The following KCNQ1 variants were observed in gnomAD, a reference collection of about 807,000 sequenced individuals.
KCNQ1 encodes potassium voltage-gated channel subfamily Q member 1, also known as potassium voltage-gated channel subfamily KQT member 1.
Under a neutral mutation model 72.4 loss-of-function variants are expected in KCNQ1, and 49 were observed. That is an observed-to-expected ratio of 0.68 (90% confidence interval 0.54 to 0.86). The LOEUF (loss-of-function observed/expected upper bound fraction) is 0.86. Ranked by LOEUF, KCNQ1 falls within the 40% of genes least tolerant of loss-of-function variation. KCNQ1 has a pLI of 0.00. For missense variants in KCNQ1, 790 were observed against 945.1 expected (o/e 0.84, Z 2.15); for synonymous variants, 450 against 412.6 (o/e 1.09, Z -1.10).
chr11:2,674,201 T>C lies in KCNQ1; in HGVS notation c.1514+12120T>C, dbSNP rs1590023390. On this transcript the variant is annotated intron_variant, in intron 11 of 15. Transcript: ENST00000155840. The surrounding 1 kb of genome is among the most constrained non-coding windows in gnomAD (Gnocchi z 5.9). ...GTGTGGCTGGGGAGAGCACAGCCAGTTGTGGGTTTTTCTTGGGGCCCAGAT... is the reference window on the plus strand; with the variant it reads ...GTGTGGCTGGGGAGAGCACAGCCAGCTGTGGGTTTTTCTTGGGGCCCAGAT... 1 of 398,454 alleles carries C rather than the reference T, an allele frequency of 2.5e-6. No homozygotes were observed. Among genetic ancestry groups the C allele is most frequent in the Middle Eastern group, 6.3e-4 (1 of 1,590 alleles). The allele number at this position is 398,454 out of a possible 1,614,324, so 24.7% of individuals were successfully genotyped here.
intron 1 of KCNQ1, among the ~76,000 whole-genome samples, chr11:2,449,018 G>A (rs902429676): frequency 2.0e-5 from 3 of 152,244 alleles, no homozygotes; most frequent in Admixed American, 6.5e-5. Flanking sequence ...GATCAGGAGG[G>A]TGGTAGGGAC....
At position 2,538,859 on chromosome 11, in the gene KCNQ1, C is replaced by G. The variant is rs999552050; in HGVS notation, c.477+10841C>G. 1.3e-5 allele frequency among the ~76,000 whole-genome samples: 2 copies of G among 151,980 alleles called. No individual in the cohort carries two copies. The highest frequency in any genetic ancestry group is 2.9e-5 in the Non-Finnish European group (2 of 67,988). On this transcript the variant is annotated intron_variant, in intron 2 of 15. Transcript: ENST00000155840. This position sits in a 1 kb window ranked among gnomAD's most constrained non-coding sequence, Gnocchi z 6.7. ...GGCCTGGGGCAGGAGGTAGAGGAAA[C>G]TGCAAGATTTTTTAAACCTTCTCCA... is the stretch of plus-strand genomic sequence containing the variant.
rs75345613 is a variant in KCNQ1 at position 2,833,748 on chromosome 11, G to A, written c.1795-14019G>A. ...CCACTGGGCCCAGCAGCAGGAACTG[G>A]GGCAAGTGCCCCGAGACGGGACCGA... On this transcript the variant is annotated intron_variant, in intron 15 of 15. Transcript: ENST00000155840. Among the ~76,000 whole-genome samples, 732 of 152,364 alleles carry A rather than the reference G, an allele frequency of 4.8e-3. 5 individuals are homozygous for A. Among genetic ancestry groups the A allele is most frequent in the African/African-American group, 0.017 (699 of 41,598 alleles).
intron 11 of KCNQ1, among the ~76,000 whole-genome samples, chr11:2,763,671 T>C (rs1358130271): frequency 6.6e-6 from 1 of 152,108 alleles, no homozygotes; most frequent in Non-Finnish European, 1.5e-5. Flanking sequence ...AGTCCGCCCA[T>C]CTCAGCCTCC....
chr11:2,518,668 C>T (rs572643396), intron 1 of KCNQ1, among the ~76,000 whole-genome samples: 30 of 152,254 alleles, frequency 2.0e-4, no homozygotes, highest in African/African-American at 5.5e-4. Flanking sequence ...CTCTGTCTAA[C>T]GGGGACAGCA....
rs984846931 is a variant in KCNQ1 at position 2,768,419 on chromosome 11, C to T, written c.1515-425C>T. Among the ~76,000 whole-genome samples the T allele has an allele frequency of 4.6e-5, 7 of 152,176 alleles. No homozygotes were observed. The highest frequency in any genetic ancestry group is 1.4e-4 in the African/African-American group (6 of 41,422). On this transcript the variant is annotated intron_variant, in intron 11 of 15. Transcript: ENST00000155840. This position sits in a 1 kb window ranked among gnomAD's most constrained non-coding sequence, Gnocchi z 6.7. ...GCTTGCTGTTTGTGGGGCTACAGGA[C>T]ACAGCAGCTGAAAGGGGCTGTGGGC...
At chr11:2,519,301 T>C (rs1012074560) in intron 1 of KCNQ1, among the ~76,000 whole-genome samples, 6 of 152,240 alleles carry the variant, frequency 3.9e-5, no homozygotes, top group African/African-American at 1.4e-4. Context: ...CCCTGTGGGC[T>C]GAATGGTGAG....
Position 2,690,919 on chromosome 11 carries a change from C to A in KCNQ1, c.1514+28838C>A. 2.5e-6 allele frequency: 1 copy of A among 398,430 alleles called. No individual in the cohort carries two copies. Among genetic ancestry groups the A allele is most frequent in the Non-Finnish European group, 4.4e-6 (1 of 226,042 alleles). The allele number at this position is 398,430 out of a possible 1,614,324, so 24.7% of individuals were successfully genotyped here. On this transcript the variant is annotated intron_variant, in intron 11 of 15. Transcript: ENST00000155840. The surrounding 1 kb of genome is among the most constrained non-coding windows in gnomAD (Gnocchi z 5.1). ...GGGTTTTGTCATGTGTAGGTCCCAG[C>A]GGCTTTAAGCCAACCTGAAAGGTTC...
Position 2,528,667 on chromosome 11 carries a change from C to T in KCNQ1, c.477+649C>T, listed in dbSNP as rs74671772. 7.0e-4 allele frequency among the ~76,000 whole-genome samples: 106 copies of T among 152,376 alleles called. No homozygotes were observed. In the East Asian group the frequency reaches 0.013, roughly 18 times the overall value. On this transcript the variant is annotated intron_variant, in intron 2 of 15. Coordinates refer to ENST00000155840, the MANE Select transcript of KCNQ1 (RefSeq NM_000218.3). Reference sequence around the variant, plus strand: ...AATGTGGGCCGTGAGCAGCAGGACTCTGGCAGGACTGGGTCTAGCACCTCT... The same window carrying T: ...AATGTGGGCCGTGAGCAGCAGGACTTTGGCAGGACTGGGTCTAGCACCTCT...
intron 11 of KCNQ1, among the ~76,000 whole-genome samples, chr11:2,733,814 A>ACACACACACACACTCTCTCTCTCT: frequency 2.3e-5 from 2 of 86,660 alleles, no homozygotes; most frequent in Non-Finnish European, 4.8e-5. Context: ...ACACACACAC[A>ACACACACACACACTCTCTCTCTCT]CTCTCTCACT....
intron 1 of KCNQ1, among the ~76,000 whole-genome samples, chr11:2,452,506 C>A (rs967364236): frequency 1.4e-5 from 2 of 147,676 alleles, no homozygotes; most frequent in African/African-American, 4.8e-5. Flanking sequence ...GCATCCCCAC[C>A]CTGCCCCAAA....
intron 11 of KCNQ1, chr11:2,697,615 C>G (rs1348523555): frequency 5.0e-6 from 2 of 398,410 alleles, no homozygotes; most frequent in Non-Finnish European, 8.8e-6. Context: ...TTTTTTCTGC[C>G]TCTATTGAGG....
chr11:2,777,480 A>G (rs1846728809), intron 14 of KCNQ1: 1 of 536,502 alleles, frequency 1.9e-6, no homozygotes, highest in African/African-American at 1.9e-5. Flanking sequence ...CTCCTTGACC[A>G]AATTCCTTGG....
At chr11:2,465,061 G>C (rs1367714926) in intron 1 of KCNQ1, among the ~76,000 whole-genome samples, 1 of 152,216 alleles carries the variant, frequency 6.6e-6, no homozygotes, top group African/African-American at 2.4e-5. Context: ...CGCTCCTTCA[G>C]GGGCTGTTAG....
Position 2,598,621 on chromosome 11 carries a change from A to C in KCNQ1, c.1393+9767A>C, listed in dbSNP as rs559188683. The stretch of plus-strand genomic sequence containing the variant: ...CTCTGCCCTTAGTTAAAAAAAAAAA[A>C]CCCTAATACATCTGCCAAATTCTGA... On this transcript the variant is annotated intron_variant, in intron 10 of 15. Transcript: ENST00000155840. The surrounding 1 kb of genome is among the most constrained non-coding windows in gnomAD (Gnocchi z 6.2). Among the ~76,000 whole-genome samples the C allele has an allele frequency of 1.3e-5, 2 of 151,472 alleles. No homozygotes were observed. The highest frequency in any genetic ancestry group is 3.9e-4 in the East Asian group (2 of 5,160).
Position 2,733,774 on chromosome 11 carries a change from CCACACACACACA to C in KCNQ1, c.1515-35040_1515-35029del, listed in dbSNP as rs144399150. ...GGGCAGGAGGGGGACTTCAGGCCTT[CCACACACACACA>C]CACACACACACACACACACACACAC... On this transcript the variant is annotated intron_variant, in intron 11 of 15. Coordinates refer to ENST00000155840, the MANE Select transcript of KCNQ1 (RefSeq NM_000218.3). Among the ~76,000 whole-genome samples, 38 of 57,560 alleles carry C rather than the reference CCACACACACACA, an allele frequency of 6.6e-4. 3 individuals carry two copies. Among genetic ancestry groups the C allele is most frequent in the African/African-American group, 2.2e-3 (34 of 15,300 alleles). 37.8% of individuals were successfully genotyped at this position (57,560 alleles called of 152,430 possible).
At chr11:2,455,850 A>T (rs1437142008) in intron 1 of KCNQ1, among the ~76,000 whole-genome samples, 1 of 152,210 alleles carries the variant, frequency 6.6e-6, no homozygotes, top group Non-Finnish European at 1.5e-5. Context: ...ACATAGACAT[A>T]TAGACCAATG....
At chr11:2,533,006 A>C (rs904447957) in intron 2 of KCNQ1, among the ~76,000 whole-genome samples, 7 of 152,178 alleles carry the variant, frequency 4.6e-5, no homozygotes, top group Admixed American at 4.6e-4. Context: ...GCACCCGCCA[A>C]GGAGTGCTGA....
rs1475452125 is a variant in KCNQ1, at chr11:2,826,534, T to C, written c.1795-21233T>C. Among the ~76,000 whole-genome samples the C allele has an allele frequency of 1.3e-5, 2 of 152,226 alleles. No individual in the cohort carries two copies. The highest frequency in any genetic ancestry group is 2.4e-5 in the African/African-American group (1 of 41,466). On this transcript the variant is annotated intron_variant, in intron 15 of 15. Coordinates refer to ENST00000155840, the MANE Select transcript of KCNQ1 (RefSeq NM_000218.3). This position sits in a 1 kb window ranked among gnomAD's most constrained non-coding sequence, Gnocchi z 4.2. The stretch of plus-strand genomic sequence containing the variant: ...GGGAGCACTTTCCCCCGCCCCCTCC[T>C]GCTGCTGCTTCCCCGAAGGCCTCCC...
Sources: gnomAD v4.1 joint callset for allele counts (sites outside exome capture counted in the v4.1 genomes callset) on GRCh38, gnomAD v4.1.1 for gene constraint, Gnocchi (gnomAD v3.1) non-coding constraint, MANE v1.5 for transcripts, NCBI Gene and HGNC (gene_info 2026-07-23, HGNC 2026-07-21) for gene names.